LRRC4C: variants seen among roughly 807,000 people sequenced by gnomAD.
LRRC4C encodes the protein leucine rich repeat containing 4C, also known as leucine-rich repeat-containing protein 4C.
In LRRC4C, 5 loss-of-function variants were observed where a neutral mutation model predicts 33.6. The ratio of observed to expected loss-of-function variants is 0.15; its 90% CI spans 0.08 to 0.31. LRRC4C has a LOEUF of 0.31. LRRC4C is among the 10% of genes least tolerant of loss of function. LRRC4C has a pLI of 1.00. For missense variants in LRRC4C, 560 were observed against 796.7 expected, an observed-to-expected ratio of 0.70 and a Z score of 3.58; for synonymous variants, 329 against 302.0, an observed-to-expected ratio of 1.09 and a Z score of -0.93.
chr11:40,880,590 T>C (rs928782129), intron 2 of LRRC4C, among the ~76,000 whole-genome samples: 2 of 151,166 alleles, frequency 1.3e-5, no homozygotes, highest in African/African-American at 4.9e-5. Context: ...ATGAATTATA[T>C]TGCTATAGTA....
At chr11:40,117,766 G>A (rs1026261623) in intron 6 of LRRC4C, among the ~76,000 whole-genome samples, 7 of 151,616 alleles carry the variant, frequency 4.6e-5, no homozygotes, top group South Asian at 2.1e-4. Context: ...CACTAATTTC[G>A]TACCCATTAT....
intron 2 of LRRC4C, among the ~76,000 whole-genome samples, chr11:40,711,759 G>T (rs530313248): frequency 1.1e-4 from 16 of 151,246 alleles, no homozygotes; most frequent in Middle Eastern, 3.5e-3. Flanking sequence ...AGATAGTAAC[G>T]GAGGATGTTC....
At chr11:40,792,591 G>T (rs903522332) in intron 2 of LRRC4C, among the ~76,000 whole-genome samples, 2 of 152,008 alleles carry the variant, frequency 1.3e-5, no homozygotes, top group Admixed American at 1.3e-4. Context: ...ATTCCTCAGG[G>T]ATCTAGAACT....
chr11:40,470,507 A>G (rs1952878426), intron 3 of LRRC4C, among the ~76,000 whole-genome samples: 1 of 152,206 alleles, frequency 6.6e-6, no homozygotes, highest in South Asian at 2.1e-4. Context: ...CCTTGCCAGC[A>G]AGGGAACAAA....
intron 2 of LRRC4C, among the ~76,000 whole-genome samples, chr11:40,880,426 T>C (rs1200696525): frequency 6.6e-6 from 1 of 151,758 alleles, no homozygotes; most frequent in East Asian, 2.0e-4. Context: ...CCAAGGGTTT[T>C]ATGCCATGGT....
At chr11:40,523,637 A>AGG (rs146818002) in intron 3 of LRRC4C, among the ~76,000 whole-genome samples, 9,732 of 150,432 alleles carry the variant, frequency 0.065, 823 homozygotes, top group African/African-American at 0.2. Flanking sequence ...ATATAGAAAG[A>AGG]ATATTATTTG....
chr11:40,822,169 A>T (rs1591808481), intron 2 of LRRC4C, among the ~76,000 whole-genome samples: 1 of 151,694 alleles, frequency 6.6e-6, no homozygotes, highest in African/African-American at 2.4e-5. Flanking sequence ...TAAACTTCCT[A>T]GGTTCTAGTC....
At chr11:40,628,017 A>G (rs544640197) in intron 3 of LRRC4C, among the ~76,000 whole-genome samples, 32 of 152,328 alleles carry the variant, frequency 2.1e-4, no homozygotes, top group African/African-American at 7.5e-4. Context: ...CAAGTCTCCT[A>G]AGGGACATAA....
chr11:40,390,916 C>G (rs1165549266), intron 3 of LRRC4C, among the ~76,000 whole-genome samples: 1 of 152,020 alleles, frequency 6.6e-6, no homozygotes, highest in East Asian at 1.9e-4. Flanking sequence ...GAGTGTTGCT[C>G]TGTCACCCAG....
intron 5 of LRRC4C, among the ~76,000 whole-genome samples, chr11:40,220,789 T>C (rs1344361149): frequency 2.6e-5 from 4 of 151,988 alleles, no homozygotes; most frequent in African/African-American, 4.8e-5. Flanking sequence ...AAGGGAAACA[T>C]AATTTTACAA....
intron 3 of LRRC4C, among the ~76,000 whole-genome samples, chr11:40,587,957 C>A (rs1215991470): frequency 1.3e-5 from 2 of 152,116 alleles, no homozygotes; most frequent in Middle Eastern, 6.8e-3. Flanking sequence ...TGTGTCTCTG[C>A]CCGGCTTTGG....
At chr11:40,288,938 G>A (rs955868124) in intron 4 of LRRC4C, among the ~76,000 whole-genome samples, 3 of 152,058 alleles carry the variant, frequency 2.0e-5, no homozygotes, top group African/African-American at 7.2e-5. Flanking sequence ...TCAACTTTTA[G>A]ACCAAAAACA....
At chr11:41,011,685 A>G (rs1855192825) in intron 1 of LRRC4C, among the ~76,000 whole-genome samples, 1 of 151,774 alleles carries the variant, frequency 6.6e-6, no homozygotes. Flanking sequence ...TAGTGAGTGA[A>G]GTAATGGTTA....
rs1321850662 is a variant in LRRC4C, at chr11:41,303,469, T to C, written c.-496+155962A>G. ...CACCTCCCAGCCGCCTGCCTTGGCCTCCCAAAGTGCCGAGATTGCAGCCTC... is the reference window on the plus strand; with the variant it reads ...CACCTCCCAGCCGCCTGCCTTGGCCCCCCAAAGTGCCGAGATTGCAGCCTC... On this transcript the variant is annotated intron_variant, in intron 1 of 6. Coordinates refer to ENST00000528697, the MANE Select transcript of LRRC4C (RefSeq NM_001258419.2). Among the ~76,000 whole-genome samples, 10 of 131,470 alleles carry C rather than the reference T, an allele frequency of 7.6e-5. No homozygotes were observed. In the East Asian group the frequency reaches 2.3e-3, roughly 30 times the overall value. 86.2% of individuals were successfully genotyped at this position (131,470 alleles called of 152,430 possible).
At chr11:40,907,682 A>G (rs1007095617) in intron 2 of LRRC4C, among the ~76,000 whole-genome samples, 2 of 152,182 alleles carry the variant, frequency 1.3e-5, no homozygotes, top group Non-Finnish European at 2.9e-5. Context: ...TGTTCCTTGT[A>G]TCCTGAGTTT....
chr11:40,660,780 T>C (rs1316319039), intron 2 of LRRC4C, among the ~76,000 whole-genome samples: 1 of 152,190 alleles, frequency 6.6e-6, no homozygotes, highest in Non-Finnish European at 1.5e-5. Flanking sequence ...CCATTTACCA[T>C]GATAATTTCC....
intron 1 of LRRC4C, among the ~76,000 whole-genome samples, chr11:41,454,319 G>C (rs918004622): frequency 6.6e-6 from 1 of 152,074 alleles, no homozygotes; most frequent in African/African-American, 2.4e-5. Flanking sequence ...TTCTGGCAGA[G>C]GAATCTTAAT....
intron 1 of LRRC4C, among the ~76,000 whole-genome samples, chr11:41,181,833 T>G (rs1945464103): frequency 6.6e-6 from 1 of 152,224 alleles, no homozygotes; most frequent in Non-Finnish European, 1.5e-5. Flanking sequence ...AGTCTGATTC[T>G]ATGTGATTTT....
At chr11:41,021,187 G>C (rs1855943899) in intron 1 of LRRC4C, among the ~76,000 whole-genome samples, 1 of 139,192 alleles carries the variant, frequency 7.2e-6, no homozygotes. Flanking sequence ...GAGAGAGAGA[G>C]AGAGAGAGAG....
Sources: gnomAD v4.1 joint callset for allele counts (sites outside exome capture counted in the v4.1 genomes callset) on GRCh38, gnomAD v4.1.1 for gene constraint, MANE v1.5 for transcripts, NCBI Gene and HGNC (gene_info 2026-07-23, HGNC 2026-07-21) for gene names.